RNF114: variants seen among roughly 807,000 people sequenced by gnomAD.
RNF114 encodes the protein E3 ubiquitin-protein ligase RNF114.
A neutral mutation model predicts 28.4 loss-of-function variants in RNF114; 6 were observed. That is an observed-to-expected ratio of 0.21 (90% CI 0.12 to 0.42). The LOEUF (loss-of-function observed/expected upper bound fraction) is 0.42, where lower values mean the gene tolerates loss of function less well. Ranked by LOEUF, RNF114 falls within the 10% of genes least tolerant of loss-of-function variation. RNF114 has a pLI of 1.00. For missense variants in RNF114, 249 were observed against 311.7 expected, an observed-to-expected ratio of 0.80 and a Z score of 1.51; for synonymous variants, 115 against 116.7, an observed-to-expected ratio of 0.99 and a Z score of 0.09.
At chr20:49,937,076 G>A (rs1421456025) in intron 1 of RNF114, among the ~76,000 whole-genome samples, 1 of 152,188 alleles carries the variant, frequency 6.6e-6, no homozygotes, top group East Asian at 1.9e-4. Context: ...AAGGGGGGTG[G>A]GAGTTGGCAG....
At chr20:49,941,914 GTATA>G in intron 2 of RNF114, 2 of 519,316 alleles carry the variant, frequency 3.9e-6, no homozygotes, top group Non-Finnish European at 6.6e-6. Context: ...AGTTGGTTAA[GTATA>G]TATTTTAGGT....
intron 2 of RNF114, chr20:49,943,873 G>GATATATATATATATAT (rs71190517): frequency 1.6e-4 from 20 of 122,134 alleles, no homozygotes; most frequent in East Asian, 7.2e-4. Flanking sequence ...TACACACAGA[G>GATATATATATATATAT]ATATATATAT....
In RNF114 at chr20:49,952,821, G is replaced by GTGTT. The variant is rs2090360406; in HGVS notation, c.*682_*685dup. On this transcript the variant is annotated 3_prime_UTR_variant, in exon 6 of 6. Coordinates refer to ENST00000244061, the MANE Select transcript of RNF114 (RefSeq NM_018683.4). ...GTATAACCATACATTTTTGGTGGAA[G>GTGTT]TGTTTCTGGGTTAGGGAAGTTAAAG... 6.5e-6 allele frequency: 1 copy of GTGTT among 152,692 alleles called. No individual in the cohort carries two copies. The highest frequency in any genetic ancestry group is 2.1e-4 in the South Asian group (1 of 4,834). The allele number at this position is 152,692 out of a possible 1,614,324, so 9.5% of individuals were successfully genotyped here. A position where few individuals can be genotyped will look rare whatever the true frequency, so the allele number is the denominator to read the frequency against.
At chr20:49,952,053 T>C in intron 5 of RNF114, 23 bp from the exon 6 acceptor site, 1 of 1,596,004 alleles carries the variant, frequency 6.3e-7, no homozygotes, top group Non-Finnish European at 8.6e-7. Context: ...TTGCTGAGGC[T>C]GCATGTCTCT....
intron 4 of RNF114, 32 bp downstream of exon 4, chr20:49,946,282 C>G: frequency 1.8e-6 from 2 of 1,104,092 alleles, no homozygotes; most frequent in African/African-American, 1.6e-5. Flanking sequence ...TTTTAAACTT[C>G]ATTAAGGGAA....
Position 49,952,217 on chromosome 20 carries a change from G to T in RNF114, c.*76G>T. The T allele has an allele frequency of 7.8e-7, 1 of 1,281,720 alleles. No homozygotes were observed. The allele number at this position is 1,281,720 out of a possible 1,614,324, so 79.4% of individuals were successfully genotyped here. ...ATTAAACGTGAAATCTATGACTCCT[G>T]TACCTTACCTGTTCAACAGACCTGA... On this transcript the variant is annotated 3_prime_UTR_variant, in exon 6 of 6. Coordinates refer to ENST00000244061, the MANE Select transcript of RNF114 (RefSeq NM_018683.4).
intron 5 of RNF114, 91 bp downstream of exon 5, chr20:49,949,446 G>T: frequency 9.3e-6 from 10 of 1,071,278 alleles, no homozygotes; most frequent in Non-Finnish European, 1.4e-5. Flanking sequence ...GATCCCCAGT[G>T]TTGAACTTTG....
chr20:49,942,802 T>A lies in RNF114; in HGVS notation c.291+1091T>A, dbSNP rs4809766. Among the ~76,000 whole-genome samples, 3 of 152,188 alleles carry A rather than the reference T, an allele frequency of 2.0e-5. No individual in the cohort carries two copies. In the East Asian group the frequency reaches 5.8e-4, roughly 29 times the overall value. ...TCGTGCCACTGCACTCCATCCTGGG[T>A]GATAGAGCCGGACCCTGTCTCAAGG... On this transcript the variant is annotated intron_variant, in intron 2 of 5. Coordinates refer to ENST00000244061, the MANE Select transcript of RNF114 (RefSeq NM_018683.4).
intron 4 of RNF114, 40 bp downstream of exon 4, chr20:49,946,290 GA>G (rs1428387337): frequency 4.6e-6 from 5 of 1,080,178 alleles, no homozygotes; most frequent in Admixed American, 2.1e-5. Flanking sequence ...TTCATTAAGG[GA>G]AAGGATCAAG....
intron 2 of RNF114, among the ~76,000 whole-genome samples, chr20:49,942,932 A>G (rs1236412571): frequency 6.6e-6 from 1 of 152,214 alleles, no homozygotes; most frequent in Non-Finnish European, 1.5e-5. Context: ...GCAAAATGAG[A>G]TTATACTATA....
intron 2 of RNF114, chr20:49,945,117 T>TATCA (rs1405980405): frequency 9.6e-6 from 3 of 312,956 alleles, no homozygotes; most frequent in Non-Finnish European, 1.8e-5. Flanking sequence ...GCAGACAGCC[T>TATCA]ATCATGAATA....
intron 5 of RNF114, 78 bp from the exon 6 acceptor site, chr20:49,951,998 G>GCTGTCCTGCTTCGGATCCAGTTGCTAGT: frequency 8.0e-7 from 1 of 1,249,634 alleles, no homozygotes; most frequent in Non-Finnish European, 1.2e-6. Flanking sequence ...CAGTTGCTAG[G>GCTGTCCTGCTTCGGATCCAGTTGCTAGT]CTGTCCTGCT....
chr20:49,939,219 T>C (rs572422433), intron 1 of RNF114, among the ~76,000 whole-genome samples: 2 of 152,328 alleles, frequency 1.3e-5, no homozygotes, highest in Admixed American at 6.5e-5. Flanking sequence ...AAATTAACAT[T>C]TGTGTTTCCC....
rs78251549 is a variant in RNF114, at chr20:49,937,336, T to G, written c.140+784T>G. Among the ~76,000 whole-genome samples, 1,052 of 152,346 alleles carry G rather than the reference T, an allele frequency of 6.9e-3. 8 individuals carry two copies. The highest frequency in any genetic ancestry group is 0.021 in the African/African-American group (855 of 41,584). ...TGAGTTGAAAGAATTGTAGACAACG[T>G]GGCCACCTGCTTCTTGCCTCAGAAT... On this transcript the variant is annotated intron_variant, in intron 1 of 5. Coordinates refer to ENST00000244061, the MANE Select transcript of RNF114 (RefSeq NM_018683.4).
chr20:49,945,357 T>C (rs1265126344), intron 2 of RNF114, 25 bp from the exon 3 acceptor site: 1 of 1,509,684 alleles, frequency 6.6e-7, no homozygotes, highest in South Asian at 1.1e-5. Flanking sequence ...CACTAACTTA[T>C]GGGCTCTGAT....
chr20:49,947,893 G>C (rs530743791), intron 4 of RNF114, among the ~76,000 whole-genome samples: 1 of 141,616 alleles, frequency 7.1e-6, no homozygotes, highest in Non-Finnish European at 1.5e-5. Context: ...CCGGGTTCAC[G>C]CCATTCTCCT....
At chr20:49,950,123 G>A (rs2090349935) in intron 5 of RNF114, among the ~76,000 whole-genome samples, 1 of 151,952 alleles carries the variant, frequency 6.6e-6, no homozygotes, top group Non-Finnish European at 1.5e-5. Flanking sequence ...GTGGTGGTGG[G>A]CACCTGTAAT....
In RNF114 at chr20:49,952,796, G is replaced by A. The variant is rs2090360259; in HGVS notation, c.*655G>A. On this transcript the variant is annotated 3_prime_UTR_variant, in exon 6 of 6. Transcript: ENST00000244061. Reference sequence around the variant, plus strand: ...CTGCATGGTGCCTTTTTAGGATAAGGTATAACCATACATTTTTGGTGGAAG... The same window carrying A: ...CTGCATGGTGCCTTTTTAGGATAAGATATAACCATACATTTTTGGTGGAAG... 6.5e-6 allele frequency: 1 copy of A among 152,874 alleles called. No individual in the cohort carries two copies. Among genetic ancestry groups the A allele is most frequent in the Non-Finnish European group, 1.5e-5 (1 of 68,244 alleles). 9.5% of individuals were successfully genotyped at this position (152,874 alleles called of 1,614,324 possible).
chr20:49,943,412 A>T (rs1327621934), intron 2 of RNF114, among the ~76,000 whole-genome samples: 1 of 152,060 alleles, frequency 6.6e-6, no homozygotes, highest in Non-Finnish European at 1.5e-5. Context: ...CTGAGGTGGG[A>T]AGATTGCTTG....
Sources: gnomAD v4.1 joint callset for allele counts (sites outside exome capture counted in the v4.1 genomes callset) on GRCh38, gnomAD v4.1.1 for gene constraint, MANE v1.5 for transcripts, NCBI Gene and HGNC (gene_info 2026-07-23, HGNC 2026-07-21) for gene names.